Variants in ATG5 observed in about 807,000 individuals in gnomAD.
ATG5 encodes the protein autophagy related 5, also known as autophagy protein 5.
A neutral mutation model predicts 36.5 loss-of-function variants in ATG5; 14 were observed. That is an observed-to-expected ratio of 0.38 (90% CI 0.25 to 0.60). ATG5 has a LOEUF of 0.60. Among genes scored for constraint, ATG5 ranks in the 20% least tolerant of loss-of-function variants. ATG5 has a pLI of 0.60. For missense variants in ATG5, 195 were observed against 326.7 expected, an observed-to-expected ratio of 0.60 and a Z score of 3.11; for synonymous variants, 95 against 101.5, an observed-to-expected ratio of 0.94 and a Z score of 0.38.
chr6:106,191,994 T>C (rs185798957), intron 7 of ATG5, among the ~76,000 whole-genome samples: 2 of 152,308 alleles, frequency 1.3e-5, no homozygotes, highest in African/African-American at 4.8e-5. Flanking sequence ...TTTTATGCAG[T>C]ATGGCATATA....
At chr6:106,253,309 C>T (rs530117463) in intron 5 of ATG5, among the ~76,000 whole-genome samples, 1 of 152,268 alleles carries the variant, frequency 6.6e-6, no homozygotes, top group Admixed American at 6.5e-5. Context: ...AGTGGGCTAG[C>T]CTCTGCGTCA....
chr6:106,248,132 T>G lies in ATG5; in HGVS notation c.573+18A>C. 6.4e-7 allele frequency: 1 copy of G among 1,552,084 alleles called. No homozygotes were observed. Among genetic ancestry groups the G allele is most frequent in the Non-Finnish European group, 8.9e-7 (1 of 1,124,296 alleles). ...GAGGCTTTCATAAATGGATGTTTTT[T>G]AAAATGTTATTTCCTACCTGATATA... On this transcript the variant is annotated intron_variant, in intron 6 of 7. Transcript: ENST00000369076.
Position 106,308,499 on chromosome 6 carries a change from G to A in ATG5, c.109-8C>T. ...TACTCTTGGCAAAAGCAACTGAAAT[G>A]AAAATTTGTAAAACCGTATTTATTT... On this transcript the variant is annotated splice_polypyrimidine_tract_variant and splice_region_variant and intron_variant, in intron 2 of 7. Coordinates refer to ENST00000369076, the MANE Select transcript of ATG5 (RefSeq NM_004849.4). 6.5e-7 allele frequency: 1 copy of A among 1,540,348 alleles called. No homozygotes were observed. The highest frequency in any genetic ancestry group is 8.7e-7 in the Non-Finnish European group (1 of 1,145,790).
intron 5 of ATG5, among the ~76,000 whole-genome samples, chr6:106,269,485 A>T (rs1267920407): frequency 6.6e-6 from 1 of 152,206 alleles, no homozygotes; most frequent in Non-Finnish European, 1.5e-5. Flanking sequence ...GCTTGGCCGC[A>T]CAGGAGCCCA....
At chr6:106,242,367 A>G (rs952932877) in intron 6 of ATG5, among the ~76,000 whole-genome samples, 1 of 152,232 alleles carries the variant, frequency 6.6e-6, no homozygotes, top group African/African-American at 2.4e-5. Context: ...CAAAAAGGCA[A>G]TTAGTGTATG....
intron 7 of ATG5, 138 bp from the exon 8 acceptor site, chr6:106,186,814 G>A: frequency 1.0e-6 from 1 of 996,994 alleles, no homozygotes; most frequent in Non-Finnish European, 1.5e-6. Flanking sequence ...ATGTGGACAT[G>A]GAGAAAGTTC....
intron 7 of ATG5, among the ~76,000 whole-genome samples, chr6:106,197,952 C>T (rs1776266082): frequency 6.6e-6 from 1 of 152,076 alleles, no homozygotes; most frequent in African/African-American, 2.4e-5. Context: ...GCCAGTGCTG[C>T]CACGGACAGG....
intron 5 of ATG5, among the ~76,000 whole-genome samples, chr6:106,258,212 A>T (rs558323476): frequency 1.3e-5 from 2 of 151,656 alleles, no homozygotes; most frequent in Non-Finnish European, 2.9e-5. Flanking sequence ...CTAACAAAAA[A>T]AAAAAATTAG....
intron 3 of ATG5, among the ~76,000 whole-genome samples, chr6:106,303,552 A>G (rs888899088): frequency 3.9e-5 from 6 of 152,142 alleles, no homozygotes; most frequent in African/African-American, 1.4e-4. Flanking sequence ...ACACTTTCGA[A>G]CTCAGTTTAT....
chr6:106,249,659 G>C (rs1042479828), intron 5 of ATG5, among the ~76,000 whole-genome samples: 10 of 152,190 alleles, frequency 6.6e-5, no homozygotes, highest in African/African-American at 2.4e-4. Context: ...CTGATACATG[G>C]TAACTGTGTT....
intron 6 of ATG5, among the ~76,000 whole-genome samples, chr6:106,206,758 C>T (rs2114375139): frequency 6.6e-6 from 1 of 152,034 alleles, no homozygotes; most frequent in East Asian, 1.9e-4. Context: ...AGAGATCATG[C>T]ATTCAAGTAC....
At chr6:106,306,049 A>C (rs1313306899) in intron 3 of ATG5, among the ~76,000 whole-genome samples, 2 of 152,216 alleles carry the variant, frequency 1.3e-5, no homozygotes, top group Non-Finnish European at 2.9e-5. Context: ...AAGTGATATA[A>C]CACATAAAAA....
intron 2 of ATG5, among the ~76,000 whole-genome samples, chr6:106,309,374 T>C (rs1383440840): frequency 6.6e-6 from 1 of 152,060 alleles, no homozygotes; most frequent in Admixed American, 6.6e-5. Context: ...TCCAAGATAA[T>C]AGGTACCAAC....
chr6:106,249,459 C>T (rs918661792), intron 5 of ATG5, among the ~76,000 whole-genome samples: 3 of 152,088 alleles, frequency 2.0e-5, no homozygotes, highest in Admixed American at 6.6e-5. Flanking sequence ...AATAATATTC[C>T]ATTATGTGGA....
chr6:106,227,703 T>C lies in ATG5; in HGVS notation c.573+20447A>G, dbSNP rs2114449587. Among the ~76,000 whole-genome samples, 4 of 152,286 alleles carry C rather than the reference T, an allele frequency of 2.6e-5. No homozygotes were observed. The South Asian group carries it at 8.3e-4, about 32-fold the overall frequency. ...TGTAGATCAATACCATAGAAAATAATTTAGTATTTAGGAATGTAAGAAAAT... is the reference window on the plus strand; with the variant it reads ...TGTAGATCAATACCATAGAAAATAACTTAGTATTTAGGAATGTAAGAAAAT... On this transcript the variant is annotated intron_variant, in intron 6 of 7. Coordinates refer to ENST00000369076, the MANE Select transcript of ATG5 (RefSeq NM_004849.4).
At chr6:106,315,205 G>T (rs55939014) in intron 2 of ATG5, among the ~76,000 whole-genome samples, 2 of 152,176 alleles carry the variant, frequency 1.3e-5, no homozygotes, top group African/African-American at 4.8e-5. Context: ...AGAGAGATGA[G>T]GGGGAAAGCA....
chr6:106,234,303 C>T (rs986521390), intron 6 of ATG5, among the ~76,000 whole-genome samples: 1 of 152,108 alleles, frequency 6.6e-6, no homozygotes, highest in Non-Finnish European at 1.5e-5. Flanking sequence ...CATGAGGTCT[C>T]GGCCCAAAAC....
chr6:106,229,050 C>T (rs1777559846), intron 6 of ATG5, among the ~76,000 whole-genome samples: 1 of 152,262 alleles, frequency 6.6e-6, no homozygotes, highest in Non-Finnish European at 1.5e-5. Context: ...TTCTGTCCCA[C>T]ACCTCCTGGG....
intron 6 of ATG5, among the ~76,000 whole-genome samples, chr6:106,245,127 T>A (rs1488863844): frequency 1.3e-5 from 2 of 152,190 alleles, no homozygotes; most frequent in African/African-American, 4.8e-5. Context: ...ACTAAACTGT[T>A]ATGTAAATGA....
Sources: gnomAD v4.1 joint callset for allele counts (sites outside exome capture counted in the v4.1 genomes callset) on GRCh38, gnomAD v4.1.1 for gene constraint, MANE v1.5 for transcripts, NCBI Gene and HGNC (gene_info 2026-07-23, HGNC 2026-07-21) for gene names.